The following NCOR1 variants were observed in gnomAD, a reference collection of about 807,000 sequenced individuals.
NCOR1 encodes the protein nuclear receptor corepressor 1, also known as protein phosphatase 1, regulatory subunit 109.
A neutral mutation model predicts 288.1 loss-of-function variants in NCOR1; 63 were observed. The observed-to-expected ratio is 0.22, with a 90% confidence interval of 0.18 to 0.27. NCOR1 has a LOEUF of 0.27. Ranked by LOEUF, NCOR1 falls within the 10% of genes least tolerant of loss-of-function variation. The pLI, the probability that NCOR1 is intolerant of heterozygous loss-of-function variation, is 1.00. For missense variants in NCOR1, 2,397 were observed against 3,019.2 expected, an observed-to-expected ratio of 0.79 and a Z score of 4.83; for synonymous variants, 1,007 against 1,065.9, an observed-to-expected ratio of 0.94 and a Z score of 1.08.
intron 3 of NCOR1, among the ~76,000 whole-genome samples, chr17:16,176,249 C>T (rs1020584837): frequency 6.6e-6 from 1 of 151,938 alleles, no homozygotes; most frequent in African/African-American, 2.4e-5. Context: ...AAAAGAAATT[C>T]TTTCAGGTTT....
chr17:16,127,563 A>G (rs576893608), intron 14 of NCOR1, among the ~76,000 whole-genome samples: 2 of 138,574 alleles, frequency 1.4e-5, no homozygotes, highest in Admixed American at 7.0e-5. Flanking sequence ...ATGTGTATAT[A>G]TGTATGTATA....
intron 42 of NCOR1, among the ~76,000 whole-genome samples, chr17:16,044,187 A>AT (rs1489152890): frequency 6.6e-6 from 1 of 151,330 alleles, no homozygotes; most frequent in East Asian, 1.9e-4. Context: ...AAAAAAAAAA[A>AT]AGAAAGAAAG....
intron 4 of NCOR1, among the ~76,000 whole-genome samples, chr17:16,169,774 A>G (rs1401108092): frequency 2.6e-5 from 4 of 152,244 alleles, no homozygotes; most frequent in East Asian, 1.9e-4. Context: ...ACAAAATTCT[A>G]TAGTTACAAA....
chr17:16,095,509 C>T (rs111631027), intron 21 of NCOR1, among the ~76,000 whole-genome samples: 47,876 of 131,302 alleles, frequency 0.36, 11,275 homozygotes, highest in Non-Finnish European at 0.5. Flanking sequence ...GCCCCCTGCC[C>T]GGCCAGCCGC....
At chr17:16,115,023 C>T (rs377499923) in intron 18 of NCOR1, among the ~76,000 whole-genome samples, 4 of 152,138 alleles carry the variant, frequency 2.6e-5, no homozygotes, top group East Asian at 1.9e-4. Flanking sequence ...AACATCCAGG[C>T]GTTTCCATAC....
At chr17:16,199,710 A>G (rs2090497317) in intron 1 of NCOR1, among the ~76,000 whole-genome samples, 1 of 152,232 alleles carries the variant, frequency 6.6e-6, no homozygotes, top group Admixed American at 6.5e-5. Context: ...ACCAAAACTC[A>G]TTAACTCAGG....
rs952965694 is a variant in NCOR1, at chr17:16,029,709, G to T, written c.*2587C>A. 1 of 153,206 alleles carries T rather than the reference G, an allele frequency of 6.5e-6. No individual in the cohort carries two copies. The highest frequency in any genetic ancestry group is 2.4e-5 in the African/African-American group (1 of 41,452). 9.5% of individuals were successfully genotyped at this position (153,206 alleles called of 1,614,324 possible). A position where few individuals can be genotyped will look rare whatever the true frequency, so the allele number is the denominator to read the frequency against. On this transcript the variant is annotated 3_prime_UTR_variant, in exon 46 of 46. Coordinates refer to ENST00000268712, the MANE Select transcript of NCOR1 (RefSeq NM_006311.4). The stretch of plus-strand genomic sequence containing the variant: ...TGCTTACCACTTAAATCATGATAAG[G>T]TGAACCTCCATAGGTAAACCATGTG...
chr17:16,167,813 T>C lies in NCOR1; in HGVS notation c.436-2652A>G, dbSNP rs563328883. On this transcript the variant is annotated intron_variant, in intron 4 of 45. Coordinates refer to ENST00000268712, the MANE Select transcript of NCOR1 (RefSeq NM_006311.4). ...AGGCGGAGGTTGCAGTGAGCATAGA[T>C]GGCACCACTGCACTCCAACCTGGGT... Among the ~76,000 whole-genome samples the C allele has an allele frequency of 2.6e-4, 33 of 128,126 alleles. No individual in the cohort carries two copies. In the Admixed American group the frequency reaches 2.9e-3, roughly 11 times the overall value. The allele number at this position is 128,126 out of a possible 152,430, so 84.1% of individuals were successfully genotyped here.
chr17:16,205,315 A>G (rs985283539), intron 1 of NCOR1, among the ~76,000 whole-genome samples: 1 of 152,052 alleles, frequency 6.6e-6, no homozygotes, highest in Non-Finnish European at 1.5e-5. Context: ...CAAAGAACAA[A>G]AGTAGGCAAT....
intron 3 of NCOR1, among the ~76,000 whole-genome samples, chr17:16,179,957 C>CAAA (rs34531259): frequency 4.4e-3 from 333 of 75,364 alleles, no homozygotes; most frequent in Middle Eastern, 8.5e-3. Context: ...GACTCTGTCT[C>CAAA]AAAAAAAAAA....
intron 35 of NCOR1, 128 bp from the exon 36 acceptor site, chr17:16,062,398 C>G (rs2060639243): frequency 1.0e-6 from 1 of 980,430 alleles, no homozygotes; most frequent in Non-Finnish European, 1.4e-6. Context: ...AGATAAGAAA[C>G]TTGATAGTCT....
chr17:16,185,212 T>C (rs1202001434), intron 3 of NCOR1, among the ~76,000 whole-genome samples: 2 of 152,050 alleles, frequency 1.3e-5, no homozygotes, highest in Non-Finnish European at 2.9e-5. Context: ...CTGGGATTCA[T>C]GATAAATGAG....
chr17:16,186,436 C>T (rs538642756), intron 3 of NCOR1, 118 bp downstream of exon 3: 2 of 1,077,404 alleles, frequency 1.9e-6, no homozygotes, highest in African/African-American at 3.3e-5. Flanking sequence ...ACTCAAAATG[C>T]AAACTATAAA....
At position 16,127,358 on chromosome 17, in the gene NCOR1, T is replaced by C. The variant is rs1474889487; in HGVS notation, c.1510-1152A>G. Among the ~76,000 whole-genome samples the C allele has an allele frequency of 1.2e-4, 17 of 141,824 alleles. 2 individuals carry two copies. Among genetic ancestry groups the C allele is most frequent in the East Asian group, 8.1e-4 (4 of 4,968 alleles). 93.0% of individuals were successfully genotyped at this position (141,824 alleles called of 152,430 possible). A position where few individuals can be genotyped will look rare whatever the true frequency, so the allele number is the denominator to read the frequency against. ...ATATACATGTATGTATATATGTATG[T>C]ATATATACATGTATGTATATATGTA... is the stretch of plus-strand genomic sequence containing the variant. On this transcript the variant is annotated intron_variant, in intron 14 of 45. Coordinates refer to ENST00000268712, the MANE Select transcript of NCOR1 (RefSeq NM_006311.4).
chr17:16,033,572 T>G (rs1972982672), intron 45 of NCOR1, among the ~76,000 whole-genome samples: 1 of 152,278 alleles, frequency 6.6e-6, no homozygotes, highest in East Asian at 1.9e-4. Context: ...TTCAGATTTT[T>G]TTCAGTGACA....
Position 16,071,461 on chromosome 17 carries a change from G to A in NCOR1, c.4100C>T (p.Thr1367Ile), listed in dbSNP as rs1272600831. The stretch of plus-strand genomic sequence containing the variant: ...CCGTGTGCTCTGGACCACTTCTGGA[G>A]TTTTCCGACTTTCCTGAGTTAAAAT... ...QDILTQESRK[T>I]PEVVQSTRPI... Residue 1367 changes from threonine to isoleucine, a missense_variant, in exon 30 of 46, where the codon ACT becomes ATT. By Grantham distance (89) the Thr-to-Ile change is moderately conservative. Coordinates refer to ENST00000268712, the MANE Select transcript of NCOR1 (RefSeq NM_006311.4). 1 of 1,614,200 alleles carries A rather than the reference G, an allele frequency of 6.2e-7. No homozygotes were observed. Among genetic ancestry groups the A allele is most frequent in the South Asian group, 1.1e-5 (1 of 91,086 alleles).
At chr17:16,046,845 G>T in intron 42 of NCOR1, 106 bp downstream of exon 42, 1 of 1,292,132 alleles carries the variant, frequency 7.7e-7, no homozygotes, top group Non-Finnish European at 1.1e-6. Context: ...TTGGACAGAT[G>T]TCCTGTAAAG....
chr17:16,196,312 C>T (rs1202212770), intron 1 of NCOR1, among the ~76,000 whole-genome samples: 1 of 151,930 alleles, frequency 6.6e-6, no homozygotes, highest in Non-Finnish European at 1.5e-5. Flanking sequence ...TCAATATATT[C>T]TTTATCCAGT....
intron 22 of NCOR1, chr17:16,087,240 G>GA: frequency 7.7e-7 from 1 of 1,304,300 alleles, no homozygotes; most frequent in Non-Finnish European, 1.0e-6. Flanking sequence ...TTCTCTTGGA[G>GA]AAAGCCTACA....
Sources: allele counts gnomAD v4.1 joint callset (sites outside exome capture counted in the v4.1 genomes callset), GRCh38; gene constraint gnomAD v4.1.1; transcripts MANE v1.5; gene names NCBI Gene and HGNC (gene_info 2026-07-23, HGNC 2026-07-21).